The following PFKFB3 variants were observed in gnomAD, a reference collection of about 807,000 sequenced individuals.
The protein encoded by PFKFB3 is 6-phosphofructo-2-kinase/fructose-2,6-biphosphatase 3, also known as 6-phosphofructo-2-kinase/fructose-2,6-bisphosphatase 3.
In PFKFB3, 33 loss-of-function variants were observed where a neutral mutation model predicts 68.0. That is an observed-to-expected ratio of 0.49 (90% CI 0.37 to 0.65). The LOEUF (loss-of-function observed/expected upper bound fraction) is 0.65, where lower values mean the gene tolerates loss of function less well. Among genes scored for constraint, PFKFB3 ranks in the 30% least tolerant of loss-of-function variants. PFKFB3 has a pLI of 0.00. For synonymous variants in PFKFB3, 315 were observed against 288.2 expected (o/e 1.09, Z -0.94); for missense variants, 586 against 712.2 (o/e 0.82, Z 2.02).
At chr10:6,218,409 A>ATTATTTAT (rs5782883) in intron 6 of PFKFB3, among the ~76,000 whole-genome samples, 358 of 143,356 alleles carry the variant, frequency 2.5e-3, no homozygotes, top group African/African-American at 9.1e-3. Flanking sequence ...AATCATTTTT[A>ATTATTTAT]TTATTTATTT....
At position 6,229,953 on chromosome 10, in the gene PFKFB3, C is replaced by T. The variant is rs994454531; in HGVS notation, c.1516-2942C>T. Among the ~76,000 whole-genome samples, 2 of 152,102 alleles carry T rather than the reference C, an allele frequency of 1.3e-5. No homozygotes were observed. Among genetic ancestry groups the T allele is most frequent in the Non-Finnish European group, 2.9e-5 (2 of 68,010 alleles). ...TGGCCCACCCACCACCCACCTCCTG[C>T]TGTGTGGCCCGCCTCTCAGTGGGCT... On this transcript the variant is annotated intron_variant, in intron 14 of 14. Coordinates refer to ENST00000379775, the MANE Select transcript of PFKFB3 (RefSeq NM_004566.4). The surrounding 1 kb of genome is among the most constrained non-coding windows in gnomAD (Gnocchi z 4.3).
At chr10:6,318,474 G>C in the PFKFB3 span, among the ~76,000 whole-genome samples, 5 of 152,196 alleles carry the variant, frequency 3.3e-5, no homozygotes, top group Admixed American at 1.3e-4. Context: ...TCTTCCCCAG[G>C]GGGTAGAGGG....
chr10:6,217,484 A>G (rs1844662576), intron 6 of PFKFB3, among the ~76,000 whole-genome samples: 1 of 152,210 alleles, frequency 6.6e-6, no homozygotes, highest in Admixed American at 6.5e-5. Flanking sequence ...CCTGACAGCT[A>G]GTGGTGATGG....
the PFKFB3 span, among the ~76,000 whole-genome samples, chr10:6,266,825 C>T: frequency 9.9e-5 from 15 of 152,222 alleles, no homozygotes; most frequent in African/African-American, 3.1e-4. Flanking sequence ...CAAGGGGTCC[C>T]TGCCAAACCT....
chr10:6,298,516 G>T, the PFKFB3 span, among the ~76,000 whole-genome samples: 1 of 151,990 alleles, frequency 6.6e-6, no homozygotes, highest in Non-Finnish European at 1.5e-5. Context: ...AGGACTATAG[G>T]CACACTTCCT....
intron 1 of PFKFB3, among the ~76,000 whole-genome samples, chr10:6,156,711 T>C (rs11257015): frequency 0.29 from 42,990 of 150,066 alleles, 6,785 homozygotes; most frequent in East Asian, 0.62. Context: ...TGGTCTCGAA[T>C]CCCTGACCTC....
chr10:6,223,096 G>A, intron 11 of PFKFB3, 112 bp downstream of exon 11: 1 of 1,148,232 alleles, frequency 8.7e-7, no homozygotes, highest in South Asian at 1.5e-5. Flanking sequence ...CTGTGCCATG[G>A]GGTGTTAGGA....
chr10:6,147,880 G>C (rs188799958), intron 1 of PFKFB3, among the ~76,000 whole-genome samples: 246 of 150,346 alleles, frequency 1.6e-3, no homozygotes, highest in Middle Eastern at 0.014. Flanking sequence ...CTGGGACACA[G>C]AGCTGGGTGG....
Position 6,228,366 on chromosome 10 carries a change from A to G in PFKFB3, c.1515+2001A>G, listed in dbSNP as rs1380739787. The G allele has an allele frequency of 1.2e-6, 1 of 821,362 alleles. No individual in the cohort carries two copies. The highest frequency in any genetic ancestry group is 2.6e-5 in the East Asian group (1 of 39,214). The allele number at this position is 821,362 out of a possible 1,614,324, so 50.9% of individuals were successfully genotyped here. ...GGAAGGAGGAGATGGGCGTAGGAGT[A>G]GGGAGGAGAGATTCCTGAATGTTTT... On this transcript the variant is annotated intron_variant, in intron 14 of 14. Coordinates refer to ENST00000379775, the MANE Select transcript of PFKFB3 (RefSeq NM_004566.4). The surrounding 1 kb of genome is among the most constrained non-coding windows in gnomAD (Gnocchi z 4.5).
At chr10:6,240,295 C>T (rs11257498), downstream of PFKFB3, among the ~76,000 whole-genome samples, 7 of 152,118 alleles carry the variant, frequency 4.6e-5, no homozygotes, top group South Asian at 8.3e-4. Context: ...GATGGAGTCT[C>T]GCTTTGTCCC....
chr10:6,316,137 G>A, the PFKFB3 span, among the ~76,000 whole-genome samples: 1 of 152,186 alleles, frequency 6.6e-6, no homozygotes, highest in Non-Finnish European at 1.5e-5. Context: ...GATTTGTGAG[G>A]TTCATGAGGT....
At chr10:6,205,075 CAG>C (rs1843596874) in intron 1 of PFKFB3, among the ~76,000 whole-genome samples, 2 of 152,240 alleles carry the variant, frequency 1.3e-5, no homozygotes, top group African/African-American at 4.8e-5. Context: ...GAATCCCTGT[CAG>C]AATCATTCAG....
chr10:6,156,953 G>C (rs1049036502), intron 1 of PFKFB3, among the ~76,000 whole-genome samples: 3 of 151,246 alleles, frequency 2.0e-5, no homozygotes, highest in Non-Finnish European at 4.4e-5. Context: ...TTAGCTGGGC[G>C]TGGTGGCAGG....
chr10:6,300,663 T>C, the PFKFB3 span, among the ~76,000 whole-genome samples: 35,701 of 152,118 alleles, frequency 0.23, 4,485 homozygotes, highest in East Asian at 0.41. Flanking sequence ...TTCATGCTGC[T>C]TTCTTATTAA....
intron 1 of PFKFB3, among the ~76,000 whole-genome samples, chr10:6,170,991 G>T (rs74229659): frequency 0.011 from 1,650 of 152,294 alleles, 70 homozygotes; most frequent in East Asian, 0.1. Context: ...ATTACTCCGT[G>T]CAGGAAGGAA....
chr10:6,267,721 G>A, the PFKFB3 span, among the ~76,000 whole-genome samples: 7 of 151,998 alleles, frequency 4.6e-5, no homozygotes, highest in East Asian at 1.9e-4. Context: ...TTGGGAGGCC[G>A]AGGCGGGCGG....
At chr10:6,155,696 A>G (rs1329584023) in intron 1 of PFKFB3, among the ~76,000 whole-genome samples, 2 of 152,124 alleles carry the variant, frequency 1.3e-5, no homozygotes, top group African/African-American at 4.8e-5. Context: ...AAATCAGGAT[A>G]CTGGCTTGTC....
intron 1 of PFKFB3, among the ~76,000 whole-genome samples, chr10:6,167,311 G>T (rs11257057): frequency 6.6e-6 from 1 of 152,098 alleles, no homozygotes; most frequent in Non-Finnish European, 1.5e-5. Context: ...ACGCCTGTGC[G>T]GGTCTCATTC....
At position 6,221,707 on chromosome 10, in the gene PFKFB3, G is replaced by A. The variant is rs1484233270; in HGVS notation, c.1045G>A (p.Glu349Lys). ...CTACCCTGAGGAGTATGCGCTGCGG[G>A]AGCAGGACAAGTACTATTACCGCTA... is the stretch of plus-strand genomic sequence containing the variant. ...DTYPEEYALR[E>K]QDKYYYRYPT... The change falls in exon 10 of 15, where the codon GAG becomes AAG. Residue 349 changes from glutamate (E) to lysine (K), a missense_variant. Transcript: ENST00000379775. 1.2e-6 allele frequency: 2 copies of A among 1,608,650 alleles called. No homozygotes were observed. The highest frequency in any genetic ancestry group is 1.3e-5 in the African/African-American group (1 of 74,894).
Sources: gnomAD v4.1 joint callset for allele counts (sites outside exome capture counted in the v4.1 genomes callset) on GRCh38, gnomAD v4.1.1 for gene constraint, Gnocchi (gnomAD v3.1) non-coding constraint, MANE v1.5 for transcripts, NCBI Gene and HGNC (gene_info 2026-07-23, HGNC 2026-07-21) for gene names.